PRMT3: variants seen among roughly 807,000 people sequenced by gnomAD.
The protein encoded by PRMT3 is protein arginine methyltransferase 3.
A neutral mutation model predicts 71.9 loss-of-function variants in PRMT3; 62 were observed. The ratio of observed to expected loss-of-function variants is 0.86; its 90% CI spans 0.70 to 1.07. The LOEUF is 1.07. Ranked by LOEUF, PRMT3 falls within the 50% of genes least tolerant of loss-of-function variation. PRMT3 has a pLI of 0.00. For synonymous variants in PRMT3, 213 were observed against 220.4 expected, an observed-to-expected ratio of 0.97 and a Z score of 0.30; for missense variants, 663 against 643.0, an observed-to-expected ratio of 1.03 and a Z score of -0.34.
chr11:20,476,762 T>TTA (rs1555020596), intron 13 of PRMT3, among the ~76,000 whole-genome samples: 8 of 151,850 alleles, frequency 5.3e-5, no homozygotes, highest in African/African-American at 1.7e-4. Flanking sequence ...AGAGTTTTTT[T>TTA]ATCTCTTTAA....
At chr11:20,413,562 A>G (rs10734291) in intron 9 of PRMT3, among the ~76,000 whole-genome samples, 118,422 of 152,144 alleles carry the variant, frequency 0.78, 48,601 homozygotes, top group Non-Finnish European at 0.92. Context: ...AGTAATGATA[A>G]TCATGTTAAT....
At chr11:20,466,719 A>G (rs1850521522) in intron 13 of PRMT3, among the ~76,000 whole-genome samples, 1 of 152,196 alleles carries the variant, frequency 6.6e-6, no homozygotes, top group Non-Finnish European at 1.5e-5. Context: ...TGTATACTTA[A>G]AAGAGTAAAA....
intron 5 of PRMT3, among the ~76,000 whole-genome samples, chr11:20,394,892 TG>T (rs1383868577): frequency 6.6e-6 from 1 of 152,212 alleles, no homozygotes; most frequent in Non-Finnish European, 1.5e-5. Context: ...TTTTCATATA[TG>T]GCAGGATTTC....
At chr11:20,407,684 T>A (rs974927622) in intron 8 of PRMT3, 6 of 330,560 alleles carry the variant, frequency 1.8e-5, no homozygotes, top group Non-Finnish European at 2.8e-5. Flanking sequence ...TAATAAATTA[T>A]AATTTCAATA....
chr11:20,433,062 C>G (rs1370452588), intron 10 of PRMT3, among the ~76,000 whole-genome samples: 1 of 148,654 alleles, frequency 6.7e-6, no homozygotes, highest in Non-Finnish European at 1.5e-5. Context: ...CTTTTTTTTT[C>G]TTTCAGATCT....
At chr11:20,470,608 A>G (rs919059164) in intron 13 of PRMT3, among the ~76,000 whole-genome samples, 1 of 152,096 alleles carries the variant, frequency 6.6e-6, no homozygotes, top group Non-Finnish European at 1.5e-5. Flanking sequence ...GTGTATATGT[A>G]TATGTACCAC....
chr11:20,450,652 G>GC lies in PRMT3; in HGVS notation c.994-1478_994-1477insC, dbSNP rs762592743. On this transcript the variant is annotated intron_variant, in intron 10 of 15. Transcript: ENST00000331079. ...TTTTGTATCAATGAATCAGTGAGCTGGGGGGAATAGGTCAATACCGACGTA... is the reference window on the plus strand; with the variant it reads ...TTTTGTATCAATGAATCAGTGAGCTGCGGGGGAATAGGTCAATACCGACGTA... Among the ~76,000 whole-genome samples, 5 of 152,062 alleles carry GC rather than the reference G, an allele frequency of 3.3e-5. No individual in the cohort carries two copies. The East Asian group carries it at 8.0e-4, about 24-fold the overall frequency.
chr11:20,450,966 A>G (rs1440080427), intron 10 of PRMT3, among the ~76,000 whole-genome samples: 2 of 152,194 alleles, frequency 1.3e-5, no homozygotes, highest in Non-Finnish European at 2.9e-5. Context: ...ACCCTGAGCA[A>G]TAAGATGTAC....
chr11:20,419,695 G>A (rs1031378016), intron 9 of PRMT3, among the ~76,000 whole-genome samples: 9 of 152,166 alleles, frequency 5.9e-5, no homozygotes, highest in Admixed American at 2.6e-4. Context: ...ATTCTCTTTA[G>A]ATGACCCAGT....
At chr11:20,391,323 G>A (rs1848709776) in intron 3 of PRMT3, among the ~76,000 whole-genome samples, 2 of 151,600 alleles carry the variant, frequency 1.3e-5, no homozygotes, top group South Asian at 4.2e-4. Context: ...TCGGCTCACT[G>A]CAACCTCCGC....
chr11:20,464,565 C>T lies in PRMT3; in HGVS notation c.1347+19C>T, dbSNP rs748269976. On this transcript the variant is annotated intron_variant, in intron 13 of 15. Coordinates refer to ENST00000331079, the MANE Select transcript of PRMT3 (RefSeq NM_005788.4). ...GTGCACGGTAAGCTATTTCATTCTG[C>T]TTTTACAAATTTCACTAGCAGTGCA... 1.2e-6 allele frequency: 2 copies of T among 1,604,460 alleles called. No individual in the cohort carries two copies. Among genetic ancestry groups the T allele is most frequent in the Admixed American group, 3.5e-5 (2 of 57,690 alleles).
intron 10 of PRMT3, among the ~76,000 whole-genome samples, chr11:20,433,936 A>G (rs1849709296): frequency 6.6e-6 from 1 of 151,996 alleles, no homozygotes; most frequent in African/African-American, 2.4e-5. Context: ...TTCTGTTTTT[A>G]GCTCTTTGAG....
At position 20,393,017 on chromosome 11, in the gene PRMT3, G is replaced by GT. The variant is rs760577511; in HGVS notation, c.400+19dup. ...TCAATTTGGTAAGATGAACATAAGT[G>GT]TATCTCCTTTAATTAACATAAGGCC... is the stretch of plus-strand genomic sequence containing the variant. On this transcript the variant is annotated intron_variant, in intron 5 of 15. Coordinates refer to ENST00000331079, the MANE Select transcript of PRMT3 (RefSeq NM_005788.4). 10 of 1,477,984 alleles carry GT rather than the reference G, an allele frequency of 6.8e-6. No individual in the cohort carries two copies. The East Asian group carries it at 2.3e-4, about 34-fold the overall frequency. The allele number at this position is 1,477,984 out of a possible 1,614,324, so 91.6% of individuals were successfully genotyped here. A position where few individuals can be genotyped will look rare whatever the true frequency, so the allele number is the denominator to read the frequency against.
chr11:20,404,335 G>A (rs902399374), intron 8 of PRMT3, among the ~76,000 whole-genome samples: 4 of 143,026 alleles, frequency 2.8e-5, no homozygotes, highest in African/African-American at 1.0e-4. Context: ...CTGGGTTCAA[G>A]CGATTCTCCT....
intron 13 of PRMT3, among the ~76,000 whole-genome samples, chr11:20,469,819 T>G (rs1850600577): frequency 6.6e-6 from 1 of 152,198 alleles, no homozygotes; most frequent in African/African-American, 2.4e-5. Flanking sequence ...TTTTCTTTTA[T>G]TCTACTTTTC....
intron 10 of PRMT3, among the ~76,000 whole-genome samples, chr11:20,428,518 AGAT>A (rs1423082504): frequency 3.9e-5 from 6 of 152,262 alleles, no homozygotes; most frequent in Non-Finnish European, 1.5e-5. Context: ...CAAATCTGAA[AGAT>A]GATCTAGAAT....
chr11:20,391,315 G>A (rs1362804944), intron 3 of PRMT3, among the ~76,000 whole-genome samples: 4 of 151,468 alleles, frequency 2.6e-5, no homozygotes, highest in South Asian at 2.1e-4. Flanking sequence ...GCACGATCTC[G>A]GCTCACTGCA....
At chr11:20,471,457 A>G (rs933716388) in intron 13 of PRMT3, among the ~76,000 whole-genome samples, 2 of 152,116 alleles carry the variant, frequency 1.3e-5, no homozygotes, top group African/African-American at 4.8e-5. Flanking sequence ...TCCCAACACC[A>G]TTTATTAGAG....
intron 10 of PRMT3, among the ~76,000 whole-genome samples, chr11:20,444,574 T>C (rs955215692): frequency 3.9e-5 from 6 of 152,178 alleles, no homozygotes; most frequent in African/African-American, 7.2e-5. Context: ...TGTCTTTCTG[T>C]TATTAATTTC....
Sources: allele counts gnomAD v4.1 joint callset (sites outside exome capture counted in the v4.1 genomes callset), GRCh38; gene constraint gnomAD v4.1.1; transcripts MANE v1.5; gene names NCBI Gene and HGNC (gene_info 2026-07-23, HGNC 2026-07-21).